Variants in DPPA4 observed in about 807,000 individuals in gnomAD.
DPPA4 encodes developmental pluripotency associated 4, also known as developmental pluripotency-associated protein 4.
DPPA4 carries 22 observed loss-of-function variants against 33.7 expected under a neutral mutation model. The ratio of observed to expected loss-of-function variants is 0.65; its 90% confidence interval spans 0.47 to 0.93. The LOEUF (loss-of-function observed/expected upper bound fraction) is 0.93. DPPA4 is among the 40% of genes least tolerant of loss of function. The probability of loss-of-function intolerance (pLI) is 0.00; values close to 1 mark genes in which losing one functional copy is unlikely to be tolerated. For synonymous variants in DPPA4, 156 were observed against 132.3 expected (o/e 1.18, Z -1.23); for missense variants, 340 against 358.6 (o/e 0.95, Z 0.42).
chr3:109,328,851 C>A (rs1409603487), intron 6 of DPPA4, 39 bp downstream of exon 6: 5 of 1,561,360 alleles, frequency 3.2e-6, no homozygotes, highest in Middle Eastern at 1.7e-4. Context: ...GAAAATCCGG[C>A]ACCCACTTTT....
upstream of DPPA4, chr3:109,337,636 C>T (rs1708242184): frequency 3.6e-6 from 3 of 834,324 alleles, no homozygotes; most frequent in Non-Finnish European, 6.0e-6. Flanking sequence ...CCTTCTGTTC[C>T]CTCCCCCACA....
upstream of DPPA4, among the ~76,000 whole-genome samples, chr3:109,339,097 A>G (rs1708264605): frequency 6.7e-6 from 1 of 148,778 alleles, no homozygotes; most frequent in African/African-American, 2.6e-5. Context: ...AGGTTGAGGC[A>G]GGAGAATTGC....
rs1707941354 is a variant in DPPA4, at chr3:109,326,640, A to C, written c.*1348T>G. ...AAAACAATGTTGGAAACTGTCATTA[A>C]ATCAGGATAAGTGAAAAACAGATCT... On this transcript the variant is annotated 3_prime_UTR_variant, in exon 7 of 7. Transcript: ENST00000335658. The C allele has an allele frequency of 6.6e-6, 1 of 152,246 alleles. No individual in the cohort carries two copies. Among genetic ancestry groups the C allele is most frequent in the South Asian group, 2.1e-4 (1 of 4,834 alleles). The allele number at this position is 152,246 out of a possible 1,614,324, so 9.4% of individuals were successfully genotyped here.
In DPPA4 at chr3:109,330,513, G is replaced by A; in HGVS notation, c.679+11C>T. ...CATTGGACCAGAATAAGCTCTTCAT[G>A]TTGCGCTTACCAGAGGCCTCTTGTG... On this transcript the variant is annotated intron_variant, in intron 5 of 6. Coordinates refer to ENST00000335658, the MANE Select transcript of DPPA4 (RefSeq NM_018189.4). The A allele has an allele frequency of 6.2e-7, 1 of 1,613,336 alleles. No individual in the cohort carries two copies. The highest frequency in any genetic ancestry group is 8.5e-7 in the Non-Finnish European group (1 of 1,179,532).
chr3:109,330,257 G>A (rs2699988), intron 5 of DPPA4: 239,771 of 370,284 alleles, frequency 0.65, 82,380 homozygotes, highest in East Asian at 1. Flanking sequence ...AGCTGAGATC[G>A]CGCCACTGCA....
intron 4 of DPPA4, 150 bp from the exon 5 acceptor site, chr3:109,330,962 A>T: frequency 2.5e-6 from 2 of 792,736 alleles, no homozygotes; most frequent in Non-Finnish European, 3.9e-6. Flanking sequence ...TACATAGTTA[A>T]TAACAATGTA....
In DPPA4 at chr3:109,328,038, AAAGT is replaced by A; in HGVS notation, c.879-18_879-15del. ...AAGACCTTGTTCCTATAAAGCAAAT[AAAGT>A]ATTTGTTTTTAAAAAGAATGAAGAA... On this transcript the variant is annotated splice_polypyrimidine_tract_variant and intron_variant, in intron 6 of 6. Coordinates refer to ENST00000335658, the MANE Select transcript of DPPA4 (RefSeq NM_018189.4). 6.9e-7 allele frequency: 1 copy of A among 1,455,362 alleles called. No individual in the cohort carries two copies. Among genetic ancestry groups the A allele is most frequent in the Non-Finnish European group, 9.6e-7 (1 of 1,040,092 alleles). 90.2% of individuals were successfully genotyped at this position (1,455,362 alleles called of 1,614,324 possible).
rs192218696 is a variant in DPPA4, at chr3:109,333,815, C to A, written c.178+55G>T. On this transcript the variant is annotated intron_variant, in intron 2 of 6. Transcript: ENST00000335658. ...CTGGTTTTTCTTCTTCAGAAAAATT[C>A]CTCTGGCTTCTAAGACCCGAGAAGG... The A allele has an allele frequency of 1.5e-5, 24 of 1,591,902 alleles. No homozygotes were observed. In the Admixed American group the frequency reaches 3.2e-4, roughly 21 times the overall value.
At chr3:109,332,605 C>T (rs1255700863) in intron 2 of DPPA4, among the ~76,000 whole-genome samples, 1 of 152,152 alleles carries the variant, frequency 6.6e-6, no homozygotes, top group Non-Finnish European at 1.5e-5. Flanking sequence ...TGAGATCATA[C>T]TCAGTGGTGT....
intron 4 of DPPA4, among the ~76,000 whole-genome samples, chr3:109,331,474 G>A (rs2107344675): frequency 7.3e-6 from 1 of 136,420 alleles, no homozygotes; most frequent in East Asian, 2.3e-4. Flanking sequence ...AACCCGGGAA[G>A]TGAAGGTTGC....
In DPPA4 at chr3:109,327,771, A is replaced by G. The variant is rs1707969461; in HGVS notation, c.*217T>C. Reference sequence around the variant, plus strand: ...AACTACAATTTATGGTAATTTGTGAAATGTTTTTCCATTTTTAAATGTAAG... The same window carrying G: ...AACTACAATTTATGGTAATTTGTGAGATGTTTTTCCATTTTTAAATGTAAG... On this transcript the variant is annotated 3_prime_UTR_variant, in exon 7 of 7. Coordinates refer to ENST00000335658, the MANE Select transcript of DPPA4 (RefSeq NM_018189.4). 3 of 456,808 alleles carry G rather than the reference A, an allele frequency of 6.6e-6. No individual in the cohort carries two copies. The highest frequency in any genetic ancestry group is 1.2e-5 in the Non-Finnish European group (3 of 256,286). 28.3% of individuals were successfully genotyped at this position (456,808 alleles called of 1,614,324 possible).
intron 1 of DPPA4, among the ~76,000 whole-genome samples, chr3:109,337,224 TGA>T (rs2107354855): frequency 6.6e-6 from 1 of 151,642 alleles, no homozygotes; most frequent in East Asian, 1.9e-4. Flanking sequence ...CCCCATCTTT[TGA>T]CACACTCAAC....
At chr3:109,329,141 G>A in intron 5 of DPPA4, 53 bp from the exon 6 acceptor site, 2 of 1,519,354 alleles carry the variant, frequency 1.3e-6, no homozygotes, top group East Asian at 4.5e-5. Flanking sequence ...ATGACATACT[G>A]ATGTAAGACT....
At chr3:109,330,234 G>A (rs373047513) in intron 5 of DPPA4, 10 of 369,650 alleles carry the variant, frequency 2.7e-5, no homozygotes, top group African/African-American at 2.2e-4. Flanking sequence ...CCTGGGAGGT[G>A]GAGGTTGCGG....
chr3:109,334,157 A>C (rs147859800), intron 1 of DPPA4, among the ~76,000 whole-genome samples, 164 bp from the exon 2 acceptor site: 343 of 152,316 alleles, frequency 2.3e-3, no homozygotes, highest in African/African-American at 7.5e-3. Flanking sequence ...TTTCATTTAC[A>C]AGACTGGGAA....
intron 1 of DPPA4, among the ~76,000 whole-genome samples, chr3:109,334,454 G>A (rs985496197): frequency 2.6e-5 from 4 of 152,004 alleles, no homozygotes; most frequent in Admixed American, 2.6e-4. Flanking sequence ...GACTGAGATA[G>A]GAGGATTGCT....
At chr3:109,329,161 C>T in intron 5 of DPPA4, 73 bp from the exon 6 acceptor site, 1 of 1,331,900 alleles carries the variant, frequency 7.5e-7, no homozygotes, top group Non-Finnish European at 1.1e-6. Context: ...TGCATTATGG[C>T]CCATCACCCT....
chr3:109,332,154 T>G (rs1284412777), intron 2 of DPPA4, 123 bp from the exon 3 acceptor site: 2 of 856,964 alleles, frequency 2.3e-6, no homozygotes, highest in Admixed American at 5.3e-5. Flanking sequence ...CCGGCTGGAG[T>G]GCAGTGGCGC....
chr3:109,334,432 C>T (rs1478991280), intron 1 of DPPA4, among the ~76,000 whole-genome samples: 1 of 151,930 alleles, frequency 6.6e-6, no homozygotes, highest in African/African-American at 2.4e-5. Flanking sequence ...TGCGTGTAGT[C>T]CAGCTACTCG....
Sources: allele counts gnomAD v4.1 joint callset (sites outside exome capture counted in the v4.1 genomes callset), GRCh38; gene constraint gnomAD v4.1.1; transcripts MANE v1.5; gene names NCBI Gene and HGNC (gene_info 2026-07-23, HGNC 2026-07-21).